Variants in SPATA16 observed in about 807,000 individuals in gnomAD.
SPATA16 encodes spermatogenesis-associated protein 16.
SPATA16 carries 36 observed loss-of-function variants against 63.3 expected under a neutral mutation model. The observed-to-expected ratio is 0.57, with a 90% CI of 0.44 to 0.75. SPATA16 has a LOEUF of 0.75. Among genes scored for constraint, SPATA16 ranks in the 30% least tolerant of loss-of-function variants. The probability of loss-of-function intolerance (pLI) is 0.00; values close to 1 mark genes in which losing one functional copy is unlikely to be tolerated. For synonymous variants in SPATA16, 203 were observed against 216.7 expected (o/e 0.94, Z 0.56); for missense variants, 646 against 679.3 (o/e 0.95, Z 0.54).
chr3:172,959,581 T>A (rs1248248808), intron 5 of SPATA16, among the ~76,000 whole-genome samples: 1 of 152,142 alleles, frequency 6.6e-6, no homozygotes, highest in Non-Finnish European at 1.5e-5. Context: ...TCCATGGAGA[T>A]GCTTTCTTAA....
chr3:173,126,363 T>A (rs1738227764), intron 1 of SPATA16, among the ~76,000 whole-genome samples: 1 of 152,226 alleles, frequency 6.6e-6, no homozygotes, highest in African/African-American at 2.4e-5. Flanking sequence ...GAGGAAGTAA[T>A]GTTTCAGCGT....
intron 2 of SPATA16, among the ~76,000 whole-genome samples, chr3:173,081,329 A>G (rs1736917424): frequency 6.6e-6 from 1 of 152,192 alleles, no homozygotes; most frequent in South Asian, 2.1e-4. Flanking sequence ...TCCTATGCCA[A>G]GTTCCGGATT....
intron 10 of SPATA16, among the ~76,000 whole-genome samples, chr3:172,898,599 C>A (rs1384989091): frequency 6.6e-6 from 1 of 150,884 alleles, no homozygotes; most frequent in Admixed American, 6.6e-5. Flanking sequence ...TGTCTTCTCC[C>A]TTTTTTATTT....
rs754642445 is a variant in SPATA16 at position 173,117,318 on chromosome 3, C to G, written c.414G>C (p.Glu138Asp). ...VYIDEMGVRY[E>D]FVESFMSTGS... ...CAGTAGACATGAAGGACTCTACAAA[C>G]TCATAGCGAACACCCATTTCATCAA... Residue 138 changes from glutamate to aspartate, a missense_variant, in exon 2 of 11, where the codon GAG (glutamate) becomes GAC (aspartate). Glu to Asp is a conservative substitution (Grantham distance 45). Transcript: ENST00000351008. 19 of 1,614,194 alleles carry G rather than the reference C, an allele frequency of 1.2e-5. No individual in the cohort carries two copies. Among genetic ancestry groups the G allele is most frequent in the Non-Finnish European group, 1.6e-5 (19 of 1,180,018 alleles).
chr3:172,971,332 A>G (rs1436197699), intron 5 of SPATA16, among the ~76,000 whole-genome samples: 1 of 152,216 alleles, frequency 6.6e-6, no homozygotes, highest in African/African-American at 2.4e-5. Context: ...TTAAAATTGT[A>G]AAACAACTAT....
At chr3:172,974,007 A>T (rs1023263294) in intron 5 of SPATA16, among the ~76,000 whole-genome samples, 80 of 152,176 alleles carry the variant, frequency 5.3e-4, no homozygotes, top group African/African-American at 1.9e-3. Context: ...AAAGTGATAT[A>T]TCCCAGTGTG....
At chr3:172,923,103 G>A (rs1227942479) in intron 8 of SPATA16, among the ~76,000 whole-genome samples, 1 of 152,188 alleles carries the variant, frequency 6.6e-6, no homozygotes, top group African/African-American at 2.4e-5. Flanking sequence ...GGTTAGCAAA[G>A]CTTTCCCTGC....
intron 10 of SPATA16, among the ~76,000 whole-genome samples, chr3:172,896,912 T>C (rs1317921561): frequency 6.6e-6 from 1 of 152,140 alleles, no homozygotes; most frequent in Non-Finnish European, 1.5e-5. Context: ...TTTTTATTTT[T>C]TTAACAGAGT....
intron 6 of SPATA16, among the ~76,000 whole-genome samples, chr3:172,935,241 G>A (rs1165115408): frequency 8.5e-5 from 13 of 152,172 alleles, no homozygotes; most frequent in Admixed American, 7.9e-4. Flanking sequence ...GAGGTGTGAG[G>A]ATTGCTTGAG....
intron 4 of SPATA16, among the ~76,000 whole-genome samples, chr3:172,990,335 G>T (rs1734546607): frequency 6.6e-6 from 1 of 152,196 alleles, no homozygotes. Flanking sequence ...TTTGTTAAGT[G>T]AAGGGAGGCA....
intron 10 of SPATA16, among the ~76,000 whole-genome samples, chr3:172,901,710 T>G (rs1173202884): frequency 6.6e-6 from 1 of 152,194 alleles, no homozygotes; most frequent in Non-Finnish European, 1.5e-5. Context: ...CCATAACACC[T>G]GACGGAGAGG....
intron 6 of SPATA16, among the ~76,000 whole-genome samples, chr3:172,946,262 A>G (rs960171552): frequency 1.3e-5 from 2 of 152,184 alleles, no homozygotes; most frequent in African/African-American, 4.8e-5. Context: ...TACTGGATTC[A>G]GATGTGGCCA....
intron 2 of SPATA16, among the ~76,000 whole-genome samples, chr3:173,069,020 G>A (rs1418999522): frequency 6.6e-6 from 1 of 150,996 alleles, no homozygotes; most frequent in Non-Finnish European, 1.5e-5. Context: ...TGAGGCAGGA[G>A]AATGGCGTGA....
At chr3:172,960,416 G>C (rs965555701) in intron 5 of SPATA16, among the ~76,000 whole-genome samples, 1 of 152,184 alleles carries the variant, frequency 6.6e-6, no homozygotes, top group African/African-American at 2.4e-5. Context: ...TTGAAATTAA[G>C]TGTTTACCTT....
intron 1 of SPATA16, among the ~76,000 whole-genome samples, chr3:173,139,619 GAAC>G (rs1391482112): frequency 1.3e-5 from 2 of 152,100 alleles, no homozygotes; most frequent in Non-Finnish European, 2.9e-5. Flanking sequence ...CACATAAAAG[GAAC>G]AACAACAAAA....
At chr3:173,008,514 T>G (rs565845903) in intron 4 of SPATA16, among the ~76,000 whole-genome samples, 16 of 152,310 alleles carry the variant, frequency 1.1e-4, no homozygotes, top group African/African-American at 3.4e-4. Flanking sequence ...TATGAATTCT[T>G]GCAAATGATA....
chr3:173,078,364 CTCTT>C (rs1162908371), intron 2 of SPATA16, among the ~76,000 whole-genome samples: 1 of 152,098 alleles, frequency 6.6e-6, no homozygotes, highest in Admixed American at 6.6e-5. Context: ...AGGAATCTGA[CTCTT>C]AACGGTCAAT....
chr3:173,031,115 C>G (rs1735594597), intron 3 of SPATA16, among the ~76,000 whole-genome samples: 1 of 151,974 alleles, frequency 6.6e-6, no homozygotes, highest in Non-Finnish European at 1.5e-5. Context: ...TAGGCATAGA[C>G]TTTTAGTTTT....
intron 1 of SPATA16, among the ~76,000 whole-genome samples, chr3:173,120,087 CAAA>C (rs530094750): frequency 4.9e-5 from 6 of 122,704 alleles, no homozygotes; most frequent in African/African-American, 1.1e-4. Flanking sequence ...AACTCCATCT[CAAA>C]AAAAAAAAAA....
Sources: allele counts gnomAD v4.1 joint callset (sites outside exome capture counted in the v4.1 genomes callset), GRCh38; gene constraint gnomAD v4.1.1; transcripts MANE v1.5; gene names NCBI Gene and HGNC (gene_info 2026-07-23, HGNC 2026-07-21).